The following PUS1 variants were observed in gnomAD, a reference collection of about 807,000 sequenced individuals.
The protein encoded by PUS1 is pseudouridylate synthase 1 homolog.
PUS1 carries 25 observed loss-of-function variants against 38.5 expected under a neutral mutation model. The observed-to-expected ratio is 0.65, with a 90% CI of 0.47 to 0.91. The LOEUF (loss-of-function observed/expected upper bound fraction) is 0.91, where lower values mean the gene tolerates loss of function less well. Among genes scored for constraint, PUS1 ranks in the 40% least tolerant of loss-of-function variants. The pLI, the probability that PUS1 is intolerant of heterozygous loss-of-function variation, is 0.00. For synonymous variants in PUS1, 282 were observed against 260.4 expected (o/e 1.08, Z -0.80); for missense variants, 597 against 612.3 (o/e 0.97, Z 0.26).
intron 2 of PUS1, among the ~76,000 whole-genome samples, chr12:131,930,338 C>T (rs966781940): frequency 6.6e-6 from 1 of 152,242 alleles, no homozygotes; most frequent in African/African-American, 2.4e-5. Context: ...AGGCCCGGCC[C>T]TGCCGCTAAC....
Position 131,941,001 on chromosome 12 carries a change from A to T in PUS1, c.545-291A>T, listed in dbSNP as rs867862730. 28 of 478,634 alleles carry T rather than the reference A, an allele frequency of 5.8e-5. No homozygotes were observed. The highest frequency in any genetic ancestry group is 3.9e-4 in the South Asian group (15 of 38,638). 29.6% of individuals were successfully genotyped at this position (478,634 alleles called of 1,614,324 possible). The stretch of plus-strand genomic sequence containing the variant: ...ATATCCATCACTCCAAGCATGTATC[A>T]TTTCTTTGTGTTGGAGACATTCCGT... On this transcript the variant is annotated intron_variant, in intron 4 of 5. Coordinates refer to ENST00000376649, the MANE Select transcript of PUS1 (RefSeq NM_025215.6). The surrounding 1 kb of genome is among the most constrained non-coding windows in gnomAD (Gnocchi z 4.4).
rs1376013584 is a variant in PUS1 at position 131,941,657 on chromosome 12, A to G, written c.910A>G (p.Ile304Val). ...IRKMVGLVVA[I>V]VKGYAPESVL... ...GAAGATGGTCGGCCTGGTGGTGGCCATTGTGAAGGGTTATGCCCCTGAGAG... is the reference window on the plus strand; with the variant it reads ...GAAGATGGTCGGCCTGGTGGTGGCCGTTGTGAAGGGTTATGCCCCTGAGAG... The change falls in exon 5 of 6, where the codon ATT becomes GTT. Residue 304 changes from isoleucine (I) to valine (V), a missense_variant. Ile to Val is a conservative substitution (Grantham distance 29). Transcript: ENST00000376649. This position sits in a 1 kb window ranked among gnomAD's most constrained non-coding sequence, Gnocchi z 4.4. The G allele has an allele frequency of 5.0e-6, 8 of 1,614,170 alleles. No homozygotes were observed. Among genetic ancestry groups the G allele is most frequent in the Non-Finnish European group, 6.8e-6 (8 of 1,180,028 alleles).
intron 3 of PUS1, among the ~76,000 whole-genome samples, chr12:131,937,358 G>A (rs1890876581): frequency 6.6e-6 from 1 of 151,968 alleles, no homozygotes; most frequent in African/African-American, 2.4e-5. Flanking sequence ...AGTTGTGTGT[G>A]GTTTTTTTAA....
At chr12:131,932,134 G>T (rs1358054537) in intron 2 of PUS1, 41 bp from the exon 3 acceptor site, 1 of 1,597,232 alleles carries the variant, frequency 6.3e-7, no homozygotes, top group Non-Finnish European at 8.6e-7. Flanking sequence ...GGCGACCTCT[G>T]TCTGCAAAAT....
In PUS1 at chr12:131,944,643, C is replaced by T. The variant is rs570180963; in HGVS notation, c.*1057C>T. 7 of 152,702 alleles carry T rather than the reference C, an allele frequency of 4.6e-5. No individual in the cohort carries two copies. Among genetic ancestry groups the T allele is most frequent in the East Asian group, 1.9e-4 (1 of 5,184 alleles). 9.5% of individuals were successfully genotyped at this position (152,702 alleles called of 1,614,324 possible). ...CCGAGAGGGGTGGCAGCCACGGGCT[C>T]CTCTTCCTAGACAGCCCCATGCGTG... On this transcript the variant is annotated 3_prime_UTR_variant, in exon 6 of 6. Coordinates refer to ENST00000376649, the MANE Select transcript of PUS1 (RefSeq NM_025215.6).
Position 131,943,587 on chromosome 12 carries a change from G to A in PUS1, c.*1G>A. On this transcript the variant is annotated 3_prime_UTR_variant, in exon 6 of 6. Coordinates refer to ENST00000376649, the MANE Select transcript of PUS1 (RefSeq NM_025215.6). Reference sequence around the variant, plus strand: ...TGAAGGGGACGGAGACACTGACTGAGGCGATGGGAGCTGCCCACCAGAGTG... The same window carrying A: ...TGAAGGGGACGGAGACACTGACTGAAGCGATGGGAGCTGCCCACCAGAGTG... 1 of 1,613,102 alleles carries A rather than the reference G, an allele frequency of 6.2e-7. No homozygotes were observed. The highest frequency in any genetic ancestry group is 8.5e-7 in the Non-Finnish European group (1 of 1,179,446).
Position 131,929,533 on chromosome 12 carries a change from T to G in PUS1, c.-190T>G. ...GGTCAGCAGGAGTGAGGCTGGGGCG[T>G]CCAGGTCCGAGAGGTCAGGGGTCAG... On this transcript the variant is annotated 5_prime_UTR_variant, in exon 1 of 6. Transcript: ENST00000376649. The G allele has an allele frequency of 1.9e-6, 1 of 514,954 alleles. No individual in the cohort carries two copies. The highest frequency in any genetic ancestry group is 3.4e-6 in the Non-Finnish European group (1 of 296,278). The allele number at this position is 514,954 out of a possible 1,614,324, so 31.9% of individuals were successfully genotyped here.
chr12:131,932,005 G>A, intron 2 of PUS1, 170 bp from the exon 3 acceptor site: 1 of 707,942 alleles, frequency 1.4e-6, no homozygotes, highest in Non-Finnish European at 2.6e-6. Context: ...GCCCCAGGGT[G>A]AGTGAGCAGA....
Position 131,941,536 on chromosome 12 carries a change from C to G in PUS1, c.789C>G (p.Ile263Met), listed in dbSNP as rs755760215. ...GPQDPSACRYILEMYCEEPFV... is the reference protein window; with the variant it reads ...GPQDPSACRYMLEMYCEEPFV... ...AGGATCCCAGTGCCTGCCGCTACATCCTGGAGATGTACTGCGAGGAACCCT... is the reference window on the plus strand; with the variant it reads ...AGGATCCCAGTGCCTGCCGCTACATGCTGGAGATGTACTGCGAGGAACCCT... Residue 263 changes from isoleucine (I) to methionine (M), a missense_variant, in exon 5 of 6, where the codon ATC becomes ATG. Transcript: ENST00000376649. This position sits in a 1 kb window ranked among gnomAD's most constrained non-coding sequence, Gnocchi z 4.4. 1.4e-5 allele frequency: 22 copies of G among 1,614,122 alleles called. No individual in the cohort carries two copies. The Admixed American group carries it at 3.2e-4, about 23-fold the overall frequency.
At chr12:131,940,001 G>C (rs1192215930) in intron 4 of PUS1, among the ~76,000 whole-genome samples, 1 of 151,924 alleles carries the variant, frequency 6.6e-6, no homozygotes, top group African/African-American at 2.4e-5. Context: ...GTCATCCCAA[G>C]AAAACAGAAC....
intron 2 of PUS1, 149 bp downstream of exon 2, chr12:131,930,284 C>T (rs1385121491): frequency 6.6e-6 from 3 of 454,060 alleles, no homozygotes; most frequent in Non-Finnish European, 1.1e-5. Context: ...GCCCAAGCAG[C>T]TTTCACTGCT....
rs1299876371 is a variant in PUS1 at position 131,930,147 on chromosome 12, C to T, written c.303+12C>T. 1 of 1,412,574 alleles carries T rather than the reference C, an allele frequency of 7.1e-7. No individual in the cohort carries two copies. 87.5% of individuals were successfully genotyped at this position (1,412,574 alleles called of 1,614,324 possible). ...ACCACGGCATGCAGGTGTGGCCGCC[C>T]GGGAAGCGGCAGGTCCCGCGGGGTT... On this transcript the variant is annotated intron_variant, in intron 2 of 5. Transcript: ENST00000376649.
chr12:131,937,096 C>A (rs1470966895), intron 3 of PUS1, among the ~76,000 whole-genome samples: 2 of 152,122 alleles, frequency 1.3e-5, no homozygotes, highest in Non-Finnish European at 2.9e-5. Context: ...TGTATATTTA[C>A]CTAAAGTCAT....
chr12:131,932,491 G>T (rs1890649967), intron 3 of PUS1, 179 bp downstream of exon 3: 4 of 665,138 alleles, frequency 6.0e-6, no homozygotes, highest in Non-Finnish European at 1.1e-5. Context: ...GGTATAGCTG[G>T]ATCTAGATGC....
chr12:131,936,312 C>T (rs1464913524), intron 3 of PUS1, among the ~76,000 whole-genome samples: 1 of 152,110 alleles, frequency 6.6e-6, no homozygotes, highest in Non-Finnish European at 1.5e-5. Context: ...CCTGGAATCC[C>T]AGCACTGTGG....
chr12:131,942,609 T>A (rs543269775), intron 5 of PUS1, among the ~76,000 whole-genome samples: 1 of 152,140 alleles, frequency 6.6e-6, no homozygotes, highest in Non-Finnish European at 1.5e-5. Context: ...GGTTTCACCA[T>A]GTTAGCCAGG....
At position 131,929,526 on chromosome 12, in the gene PUS1, T is replaced by G; in HGVS notation, c.-197T>G. On this transcript the variant is annotated 5_prime_UTR_variant, in exon 1 of 6. Coordinates refer to ENST00000376649, the MANE Select transcript of PUS1 (RefSeq NM_025215.6). ...GGTCAGGGGTCAGCAGGAGTGAGGC[T>G]GGGGCGTCCAGGTCCGAGAGGTCAG... 2.0e-6 allele frequency: 1 copy of G among 510,364 alleles called. No homozygotes were observed. Among genetic ancestry groups the G allele is most frequent in the South Asian group, 2.8e-5 (1 of 36,350 alleles). The allele number at this position is 510,364 out of a possible 1,614,324, so 31.6% of individuals were successfully genotyped here. A position where few individuals can be genotyped will look rare whatever the true frequency, so the allele number is the denominator to read the frequency against.
At chr12:131,933,069 C>CATG (rs2136433454) in intron 3 of PUS1, among the ~76,000 whole-genome samples, 1 of 152,196 alleles carries the variant, frequency 6.6e-6, no homozygotes, top group South Asian at 2.1e-4. Context: ...AAGCCGGGCC[C>CATG]ATGATCCAGT....
rs1198907427 is a variant in PUS1 at position 131,943,683 on chromosome 12, A to C, written c.*97A>C. On this transcript the variant is annotated 3_prime_UTR_variant, in exon 6 of 6. Coordinates refer to ENST00000376649, the MANE Select transcript of PUS1 (RefSeq NM_025215.6). ...GGCAGCAAGAAGCTGGGATCGCTGC[A>C]GCCATGTTTTCCCGGCCATGCCGGC... 1.9e-6 allele frequency: 2 copies of C among 1,035,106 alleles called. No homozygotes were observed. The allele number at this position is 1,035,106 out of a possible 1,614,324, so 64.1% of individuals were successfully genotyped here. A position where few individuals can be genotyped will look rare whatever the true frequency, so the allele number is the denominator to read the frequency against.
Sources: allele counts gnomAD v4.1 joint callset (sites outside exome capture counted in the v4.1 genomes callset), GRCh38; gene constraint gnomAD v4.1.1; non-coding constraint Gnocchi (gnomAD v3.1); transcripts MANE v1.5; gene names NCBI Gene and HGNC (gene_info 2026-07-23, HGNC 2026-07-21).